Variants in DOK6 observed in about 807,000 individuals in gnomAD.
DOK6 encodes docking protein 6, also known as downstream of tyrosine kinase 6.
DOK6 carries 22 observed loss-of-function variants against 44.0 expected under a neutral mutation model. The ratio of observed to expected loss-of-function variants is 0.50; its 90% CI spans 0.36 to 0.71. The LOEUF is 0.71. Ranked by LOEUF, DOK6 falls within the 30% of genes least tolerant of loss-of-function variation. The pLI is 0.00. For missense variants in DOK6, 340 were observed against 416.4 expected (o/e 0.82, Z 1.60); for synonymous variants, 166 against 145.5 (o/e 1.14, Z -1.01).
intron 1 of DOK6, among the ~76,000 whole-genome samples, chr18:69,485,909 A>G (rs1005316376): frequency 4.2e-5 from 5 of 120,032 alleles, no homozygotes; most frequent in South Asian, 2.5e-4. Flanking sequence ...GTGTGTGTAT[A>G]TGTATATCTC....
chr18:69,669,472 G>A (rs1368158016), intron 3 of DOK6, among the ~76,000 whole-genome samples: 2 of 152,168 alleles, frequency 1.3e-5, no homozygotes, highest in Non-Finnish European at 2.9e-5. Flanking sequence ...CATGATGTAA[G>A]CTATACAACT....
At chr18:69,488,932 A>T (rs1010383459) in intron 1 of DOK6, among the ~76,000 whole-genome samples, 1 of 152,204 alleles carries the variant, frequency 6.6e-6, no homozygotes, top group Non-Finnish European at 1.5e-5. Flanking sequence ...ATCTGTGACC[A>T]TATTAACAGA....
intron 1 of DOK6, among the ~76,000 whole-genome samples, chr18:69,494,268 G>C (rs1599157876): frequency 6.6e-6 from 1 of 152,150 alleles, no homozygotes; most frequent in East Asian, 1.9e-4. Context: ...CTGAGGTCAG[G>C]AGTTTGAGAC....
chr18:69,744,584 G>T (rs776570720), intron 6 of DOK6, among the ~76,000 whole-genome samples: 1 of 152,020 alleles, frequency 6.6e-6, no homozygotes, highest in African/African-American at 2.4e-5. Flanking sequence ...ACTTACTGTT[G>T]TTCAGTTTCA....
At chr18:69,535,957 T>A (rs67947818) in intron 1 of DOK6, among the ~76,000 whole-genome samples, 20,055 of 152,070 alleles carry the variant, frequency 0.13, 1,630 homozygotes, top group South Asian at 0.29. Flanking sequence ...TGAAAACCAA[T>A]TATGAAATCC....
chr18:69,608,871 AC>A (rs2144628874), intron 3 of DOK6, among the ~76,000 whole-genome samples: 1 of 141,610 alleles, frequency 7.1e-6, no homozygotes, highest in Admixed American at 7.5e-5. Context: ...AATCGCTTCA[AC>A]CCGGGAGGTG....
intron 1 of DOK6, among the ~76,000 whole-genome samples, chr18:69,511,635 T>G (rs531209725): frequency 6.6e-6 from 1 of 152,364 alleles, no homozygotes; most frequent in East Asian, 1.9e-4. Flanking sequence ...CTGTCATTGT[T>G]AATATATTAA....
chr18:69,459,039 T>G (rs1337167771), intron 1 of DOK6, among the ~76,000 whole-genome samples: 1 of 141,894 alleles, frequency 7.0e-6, no homozygotes, highest in Non-Finnish European at 1.5e-5. Flanking sequence ...GAGGTTGCAG[T>G]GAGCTGACAT....
At chr18:69,504,381 C>T (rs1291493769) in intron 1 of DOK6, among the ~76,000 whole-genome samples, 1 of 151,890 alleles carries the variant, frequency 6.6e-6, no homozygotes, top group Non-Finnish European at 1.5e-5. Flanking sequence ...GCACTTTCCA[C>T]ACAATCACAA....
At chr18:69,749,920 G>T (rs1220775071) in intron 6 of DOK6, among the ~76,000 whole-genome samples, 1 of 149,002 alleles carries the variant, frequency 6.7e-6, no homozygotes, top group Non-Finnish European at 1.5e-5. Context: ...CTCCTGCCTG[G>T]CGACAGAGCG....
chr18:69,819,274 A>G (rs1286515193), intron 7 of DOK6, among the ~76,000 whole-genome samples: 1 of 152,200 alleles, frequency 6.6e-6, no homozygotes, highest in Non-Finnish European at 1.5e-5. Flanking sequence ...GATGAAGAGT[A>G]TGCATACAAT....
At chr18:69,468,482 T>C (rs1266823374) in intron 1 of DOK6, among the ~76,000 whole-genome samples, 1 of 152,216 alleles carries the variant, frequency 6.6e-6, no homozygotes, top group Non-Finnish European at 1.5e-5. Context: ...TTCAACTGCC[T>C]ACTATACACC....
Position 69,425,296 on chromosome 18 carries a change from A to G in DOK6, c.66+23986A>G, listed in dbSNP as rs147818789. On this transcript the variant is annotated intron_variant, in intron 1 of 7. Coordinates refer to ENST00000382713, the MANE Select transcript of DOK6 (RefSeq NM_152721.6). ...AATAATTTTTTCTTTTCCCACTATC[A>G]CAGCTTGTCACAGTGCTACCTGCTA... is the stretch of plus-strand genomic sequence containing the variant. Among the ~76,000 whole-genome samples the G allele has an allele frequency of 3.6e-3, 542 of 151,894 alleles. 3 individuals are homozygous for G. The highest frequency in any genetic ancestry group is 0.012 in the African/African-American group (518 of 41,480).
At chr18:69,540,937 T>C (rs1982251905) in intron 1 of DOK6, among the ~76,000 whole-genome samples, 1 of 152,194 alleles carries the variant, frequency 6.6e-6, no homozygotes, top group Non-Finnish European at 1.5e-5. Context: ...GAATCTTTGT[T>C]GTTTTCCTCA....
At chr18:69,520,506 C>T (rs535486479) in intron 1 of DOK6, among the ~76,000 whole-genome samples, 1 of 151,904 alleles carries the variant, frequency 6.6e-6, no homozygotes, top group African/African-American at 2.4e-5. Context: ...ATCCAAAAGT[C>T]TAAAATCGAA....
intron 7 of DOK6, among the ~76,000 whole-genome samples, chr18:69,834,180 G>A (rs1313762587): frequency 6.6e-6 from 1 of 152,184 alleles, no homozygotes; most frequent in African/African-American, 2.4e-5. Flanking sequence ...TATACACAAT[G>A]CAATGCTATT....
intron 3 of DOK6, among the ~76,000 whole-genome samples, chr18:69,606,097 C>A (rs1983988245): frequency 6.6e-6 from 1 of 151,862 alleles, no homozygotes; most frequent in Non-Finnish European, 1.5e-5. Context: ...CATGGTGAAA[C>A]CCTGTCTCTA....
At chr18:69,438,606 T>G (rs567821555) in intron 1 of DOK6, among the ~76,000 whole-genome samples, 2 of 152,242 alleles carry the variant, frequency 1.3e-5, no homozygotes, top group Non-Finnish European at 2.9e-5. Context: ...TCTAAAATGC[T>G]GAATCCTTTC....
chr18:69,428,537 GATTA>G (rs1978707749), intron 1 of DOK6, among the ~76,000 whole-genome samples: 1 of 151,930 alleles, frequency 6.6e-6, no homozygotes, highest in South Asian at 2.1e-4. Context: ...CCCCAATAAG[GATTA>G]ATTCTTAATC....
Sources: allele counts gnomAD v4.1 joint callset (sites outside exome capture counted in the v4.1 genomes callset), GRCh38; gene constraint gnomAD v4.1.1; transcripts MANE v1.5; gene names NCBI Gene and HGNC (gene_info 2026-07-23, HGNC 2026-07-21).